KCNQ5: variants seen among roughly 807,000 people sequenced by gnomAD.
The protein encoded by KCNQ5 is potassium voltage-gated channel subfamily Q member 5.
KCNQ5 carries 30 observed loss-of-function variants against 98.2 expected under a neutral mutation model. That is an observed-to-expected ratio of 0.31 (90% CI 0.23 to 0.41). The LOEUF is 0.41. Ranked by LOEUF, KCNQ5 falls within the 10% of genes least tolerant of loss-of-function variation. KCNQ5 has a pLI of 1.00. For missense variants in KCNQ5, 835 were observed against 1,182.5 expected (o/e 0.71, Z 4.31); for synonymous variants, 458 against 449.4 (o/e 1.02, Z -0.24).
At chr6:73,181,414 T>G (rs1021426017) in intron 11 of KCNQ5, among the ~76,000 whole-genome samples, 5 of 152,124 alleles carry the variant, frequency 3.3e-5, no homozygotes, top group Non-Finnish European at 7.4e-5. Flanking sequence ...CTTTTGCTGG[T>G]CCTCCAAAGG....
At chr6:73,158,627 T>C (rs2150490818) in intron 10 of KCNQ5, among the ~76,000 whole-genome samples, 1 of 152,142 alleles carries the variant, frequency 6.6e-6, no homozygotes, top group East Asian at 1.9e-4. Flanking sequence ...TCAAAAAGTA[T>C]ACATTATTTT....
At chr6:72,852,660 T>TATATATATATATATATATATATAA (rs1232591580) in intron 1 of KCNQ5, among the ~76,000 whole-genome samples, 7 of 128,474 alleles carry the variant, frequency 5.4e-5, no homozygotes, top group African/African-American at 1.8e-4. Context: ...TATATATATA[T>TATATATATATATATATATATATAA]AAATGGCACT....
chr6:73,157,059 CG>C (rs1021865418), intron 10 of KCNQ5, among the ~76,000 whole-genome samples: 2 of 152,246 alleles, frequency 1.3e-5, no homozygotes, highest in African/African-American at 2.4e-5. Flanking sequence ...GATGAACCAC[CG>C]GGGGCCAGGA....
chr6:72,974,781 C>T (rs1768078115), intron 1 of KCNQ5, among the ~76,000 whole-genome samples: 1 of 151,712 alleles, frequency 6.6e-6, no homozygotes, highest in Admixed American at 6.6e-5. Context: ...GCTCTGTCAT[C>T]CAGGCTGGAG....
At position 73,025,828 on chromosome 6, in the gene KCNQ5, G is replaced by A. The variant is rs1179914351; in HGVS notation, c.490-16108G>A. Among the ~76,000 whole-genome samples the A allele has an allele frequency of 9.2e-5, 14 of 152,014 alleles. No individual in the cohort carries two copies. The South Asian group carries it at 1.0e-3, about 11-fold the overall frequency. On this transcript the variant is annotated intron_variant, in intron 2 of 13. Transcript: ENST00000370398. The stretch of plus-strand genomic sequence containing the variant: ...CAAAGACATTCTTGGAAACTTGTCC[G>A]TTCATGGCCACGTTGAGGACCAGGG...
chr6:72,751,257 A>T (rs941479581), intron 1 of KCNQ5, among the ~76,000 whole-genome samples: 1 of 151,920 alleles, frequency 6.6e-6, no homozygotes, highest in African/African-American at 2.4e-5. Flanking sequence ...GCATGGACTC[A>T]AGAAAGTACA....
intron 1 of KCNQ5, among the ~76,000 whole-genome samples, chr6:72,781,526 C>T (rs1415957487): frequency 6.6e-6 from 1 of 152,118 alleles, no homozygotes; most frequent in East Asian, 1.9e-4. Context: ...TTGATGATCT[C>T]ATGGGCCTGC....
chr6:73,127,965 T>C (rs1175113176), intron 9 of KCNQ5, among the ~76,000 whole-genome samples: 1 of 152,136 alleles, frequency 6.6e-6, no homozygotes, highest in East Asian at 1.9e-4. Context: ...CCTGGGAAGC[T>C]GAGGCAGGAG....
intron 1 of KCNQ5, among the ~76,000 whole-genome samples, chr6:72,811,960 G>C (rs1775264267): frequency 1.3e-5 from 2 of 152,118 alleles, no homozygotes; most frequent in Admixed American, 1.3e-4. Context: ...GATTTCTGGG[G>C]GAAAGAGGTG....
At chr6:72,658,218 A>G (rs528915838) in intron 1 of KCNQ5, among the ~76,000 whole-genome samples, 1 of 152,306 alleles carries the variant, frequency 6.6e-6, no homozygotes, top group African/African-American at 2.4e-5. Context: ...ATATTTATGT[A>G]TGTCAAGTTA....
chr6:72,829,426 G>A (rs1776137062), intron 1 of KCNQ5, among the ~76,000 whole-genome samples: 1 of 147,380 alleles, frequency 6.8e-6, no homozygotes, highest in Admixed American at 6.7e-5. Flanking sequence ...AGTGTTGAAA[G>A]TGTCTCTCTC....
At chr6:73,047,472 A>T (rs1203735282) in intron 3 of KCNQ5, among the ~76,000 whole-genome samples, 1 of 152,252 alleles carries the variant, frequency 6.6e-6, no homozygotes, top group East Asian at 1.9e-4. Flanking sequence ...GTTTTTTAAC[A>T]TTAATAAACT....
At chr6:72,932,857 A>C (rs1765750560) in intron 1 of KCNQ5, among the ~76,000 whole-genome samples, 1 of 152,164 alleles carries the variant, frequency 6.6e-6, no homozygotes, top group Admixed American at 6.6e-5. Flanking sequence ...CTACTTTATG[A>C]CTTACTTGTT....
At chr6:72,914,605 A>ATAAATT (rs1243038700) in intron 1 of KCNQ5, among the ~76,000 whole-genome samples, 4 of 149,466 alleles carry the variant, frequency 2.7e-5, no homozygotes, top group African/African-American at 9.9e-5. Context: ...ATGTGAAAAT[A>ATAAATT]TAAATTTAAA....
intron 1 of KCNQ5, among the ~76,000 whole-genome samples, chr6:72,706,147 T>C (rs1769067724): frequency 6.6e-6 from 1 of 152,032 alleles, no homozygotes; most frequent in Non-Finnish European, 1.5e-5. Context: ...TAGTTATGTC[T>C]TTTCTTTTTA....
At chr6:72,725,559 T>C (rs1582175683) in intron 1 of KCNQ5, among the ~76,000 whole-genome samples, 1 of 151,956 alleles carries the variant, frequency 6.6e-6, no homozygotes, top group Non-Finnish European at 1.5e-5. Flanking sequence ...GATCAAAGAG[T>C]ACACAATTTT....
At chr6:72,702,200 T>C (rs777767923) in intron 1 of KCNQ5, among the ~76,000 whole-genome samples, 4 of 152,200 alleles carry the variant, frequency 2.6e-5, no homozygotes, top group Non-Finnish European at 5.9e-5. Flanking sequence ...CAGAATACCC[T>C]TCCAGAATAA....
intron 1 of KCNQ5, among the ~76,000 whole-genome samples, chr6:72,634,619 G>A (rs2098922910): frequency 6.6e-6 from 1 of 152,190 alleles, no homozygotes; most frequent in African/African-American, 2.4e-5. Context: ...AGGCTGGAGT[G>A]CAGTGGTGTG....
At chr6:72,649,307 G>A (rs570800087) in intron 1 of KCNQ5, among the ~76,000 whole-genome samples, 8 of 152,258 alleles carry the variant, frequency 5.3e-5, no homozygotes, top group African/African-American at 1.7e-4. Context: ...AGACATGCAC[G>A]TGTATGTGCA....
Sources: allele counts gnomAD v4.1 joint callset (sites outside exome capture counted in the v4.1 genomes callset), GRCh38; gene constraint gnomAD v4.1.1; transcripts MANE v1.5; gene names NCBI Gene and HGNC (gene_info 2026-07-23, HGNC 2026-07-21).